Variants in CEP164 observed in about 807,000 individuals in gnomAD.
CEP164 encodes the protein centrosomal protein 164.
In CEP164, 162 loss-of-function variants were observed where a neutral mutation model predicts 182.7. The observed-to-expected ratio is 0.89, with a 90% CI of 0.78 to 1.01. The LOEUF is 1.01. Among genes scored for constraint, CEP164 ranks in the 50% least tolerant of loss-of-function variants. The pLI is 0.00. For missense variants in CEP164, 1,735 were observed against 1,790.4 expected, an observed-to-expected ratio of 0.97 and a Z score of 0.56; for synonymous variants, 661 against 690.0, an observed-to-expected ratio of 0.96 and a Z score of 0.66.
At chr11:117,354,993 C>G (rs1041679733) in intron 5 of CEP164, 3 of 1,289,440 alleles carry the variant, frequency 2.3e-6, no homozygotes, top group Non-Finnish European at 3.0e-6. Context: ...TTGTCTCCTC[C>G]GTCAGCACCT....
chr11:117,388,932 AT>A (rs879384646), intron 15 of CEP164, among the ~76,000 whole-genome samples: 292 of 145,052 alleles, frequency 2.0e-3, no homozygotes, highest in Middle Eastern at 3.6e-3. Flanking sequence ...TGCCTGGCTA[AT>A]TTTTTTTTTT....
At position 117,391,162 on chromosome 11, in the gene CEP164, A is replaced by G; in HGVS notation, c.2230A>G (p.Lys744Glu). The G allele has an allele frequency of 6.2e-7, 1 of 1,613,334 alleles. No individual in the cohort carries two copies. The highest frequency in any genetic ancestry group is 8.5e-7 in the Non-Finnish European group (1 of 1,179,874). Residue 744 changes from lysine (K) to glutamate (E), a missense_variant, in exon 17 of 33, where the codon AAG becomes GAG. Lys to Glu is a moderately conservative substitution (Grantham distance 56). Coordinates refer to ENST00000278935, the MANE Select transcript of CEP164 (RefSeq NM_014956.5). ...CGAGCAGGCTGCCCTGAATGCTGCA[A>G]AGGAGAAGGCTCTGCAGCAGCTGAG... ...KSEQAALNAAKEKALQQLREQ... is the reference protein window; with the variant it reads ...KSEQAALNAAEEKALQQLREQ...
upstream of CEP164, among the ~76,000 whole-genome samples, chr11:117,327,459 CTTTTTTTTT>C (rs760601571): frequency 2.1e-4 from 26 of 122,618 alleles, no homozygotes; most frequent in African/African-American, 7.4e-4. Context: ...TCGGGGTCCT[CTTTTTTTTT>C]TTTTTTTTTT....
chr11:117,407,882 T>C (rs751753204), intron 27 of CEP164, 43 bp from the exon 28 acceptor site: 27 of 1,453,144 alleles, frequency 1.9e-5, no homozygotes, highest in Non-Finnish European at 2.6e-5. Context: ...CTCCAGCGTC[T>C]GTGTGGGTAG....
chr11:117,328,659 C>T (rs565524498), intron 1 of CEP164, among the ~76,000 whole-genome samples: 34 of 152,302 alleles, frequency 2.2e-4, no homozygotes, highest in African/African-American at 7.9e-4. Context: ...CAGCCTTCCC[C>T]GGTCCCTCCG....
At chr11:117,347,508 C>T (rs1221796841) in intron 4 of CEP164, among the ~76,000 whole-genome samples, 2 of 152,030 alleles carry the variant, frequency 1.3e-5, no homozygotes, top group East Asian at 3.9e-4. Flanking sequence ...GTTGGGAGTT[C>T]GAGACCAGCC....
intron 5 of CEP164, among the ~76,000 whole-genome samples, chr11:117,361,309 C>T (rs1409336253): frequency 3.5e-4 from 48 of 138,342 alleles, no homozygotes; most frequent in African/African-American, 1.2e-3. Context: ...GGCGTGATCT[C>T]GGCTGACTGC....
At chr11:117,349,148 G>A (rs547328340) in intron 4 of CEP164, among the ~76,000 whole-genome samples, 19 of 151,948 alleles carry the variant, frequency 1.3e-4, no homozygotes, top group African/African-American at 4.3e-4. Context: ...TGTACCTCCC[G>A]AGTAGCTGGG....
chr11:117,377,383 T>A (rs2136048845), intron 11 of CEP164, among the ~76,000 whole-genome samples: 2 of 152,190 alleles, frequency 1.3e-5, no homozygotes, highest in Middle Eastern at 6.8e-3. Context: ...GGCCTGGGGG[T>A]TGGGGACCCC....
chr11:117,352,065 C>A, intron 5 of CEP164, 77 bp downstream of exon 5: 1 of 1,249,558 alleles, frequency 8.0e-7, no homozygotes, highest in Non-Finnish European at 1.1e-6. Flanking sequence ...TAGGTGTCTG[C>A]AGCTGGGAGG....
At position 117,412,743 on chromosome 11, in the gene CEP164, A is replaced by C; in HGVS notation, c.*575A>C. ...CTTGAGCATTCCATCTCTCTTTTTG[A>C]CCCTCTCAGGACTGGGCTTAGCTGT... On this transcript the variant is annotated 3_prime_UTR_variant, in exon 33 of 33. Transcript: ENST00000278935. 6.5e-6 allele frequency: 1 copy of C among 153,382 alleles called. No homozygotes were observed. The highest frequency in any genetic ancestry group is 1.5e-5 in the Non-Finnish European group (1 of 68,922). 9.5% of individuals were successfully genotyped at this position (153,382 alleles called of 1,614,324 possible). A position where few individuals can be genotyped will look rare whatever the true frequency, so the allele number is the denominator to read the frequency against.
intron 13 of CEP164, 123 bp from the exon 14 acceptor site, chr11:117,382,673 T>C: frequency 3.5e-6 from 4 of 1,157,014 alleles, no homozygotes; most frequent in East Asian, 4.8e-5. Context: ...AGACCCGAGG[T>C]AGGGAAATTG....
intron 19 of CEP164, 28 bp downstream of exon 19, chr11:117,392,655 G>A (rs146138334): frequency 3.4e-5 from 54 of 1,607,926 alleles, no homozygotes; most frequent in Admixed American, 8.4e-5. Flanking sequence ...TTCCACAGTC[G>A]TGTGCGCCTG....
chr11:117,334,011 C>G (rs934498349), intron 1 of CEP164, among the ~76,000 whole-genome samples: 5 of 152,204 alleles, frequency 3.3e-5, no homozygotes, highest in African/African-American at 1.2e-4. Flanking sequence ...ACCTACTCAT[C>G]ATTCAGTTCT....
Position 117,411,995 on chromosome 11 carries a change from T to C in CEP164, c.4287-77T>C. 11 of 1,610,962 alleles carry C rather than the reference T, an allele frequency of 6.8e-6. No homozygotes were observed. Among genetic ancestry groups the C allele is most frequent in the Non-Finnish European group, 9.3e-6 (11 of 1,178,212 alleles). On this transcript the variant is annotated intron_variant, in intron 32 of 32. Coordinates refer to ENST00000278935, the MANE Select transcript of CEP164 (RefSeq NM_014956.5). This position sits in a 1 kb window ranked among gnomAD's most constrained non-coding sequence, Gnocchi z 4.4. ...TGCCCTGAGGGGCTGAGGAGGATCC[T>C]GTTCAGCCTTTGACCCTTTCATGGC...
chr11:117,395,426 A>T (rs2045308064), intron 23 of CEP164, 121 bp from the exon 24 acceptor site: 2 of 1,176,220 alleles, frequency 1.7e-6, no homozygotes, highest in Non-Finnish European at 2.4e-6. Context: ...TGGTGACTTC[A>T]GTGGCTCTGA....
intron 28 of CEP164, 60 bp downstream of exon 28, chr11:117,408,092 T>C: frequency 7.6e-7 from 1 of 1,317,468 alleles, no homozygotes; most frequent in South Asian, 1.3e-5. Flanking sequence ...GTTCTTGGGA[T>C]TGGGTTGAGT....
At chr11:117,408,299 C>A (rs968450411) in intron 28 of CEP164, among the ~76,000 whole-genome samples, 1 of 152,160 alleles carries the variant, frequency 6.6e-6, no homozygotes. Flanking sequence ...GAGGGCCAAG[C>A]CTTTACCCTG....
intron 27 of CEP164, among the ~76,000 whole-genome samples, chr11:117,405,292 G>A (rs894719862): frequency 6.6e-5 from 10 of 152,220 alleles, no homozygotes; most frequent in African/African-American, 2.2e-4. Context: ...GTAGGCACCC[G>A]AGGGAATCTC....
Sources: gnomAD v4.1 joint callset for allele counts (sites outside exome capture counted in the v4.1 genomes callset) on GRCh38, gnomAD v4.1.1 for gene constraint, Gnocchi (gnomAD v3.1) non-coding constraint, MANE v1.5 for transcripts, NCBI Gene and HGNC (gene_info 2026-07-23, HGNC 2026-07-21) for gene names.